DRC7: variants seen among roughly 807,000 people sequenced by gnomAD.
DRC7 encodes dynein regulatory complex subunit 7.
A neutral mutation model predicts 104.4 loss-of-function variants in DRC7; 80 were observed. The ratio of observed to expected loss-of-function variants is 0.77; its 90% CI spans 0.64 to 0.92. The LOEUF is 0.92. Among genes scored for constraint, DRC7 ranks in the 40% least tolerant of loss-of-function variants. The pLI is 0.00. For synonymous variants in DRC7, 405 were observed against 447.3 expected, an observed-to-expected ratio of 0.91 and a Z score of 1.19; for missense variants, 1,034 against 1,141.1, an observed-to-expected ratio of 0.91 and a Z score of 1.35.
chr16:57,715,545 A>G (rs4254319), intron 8 of DRC7, among the ~76,000 whole-genome samples: 9,195 of 152,290 alleles, frequency 0.06, 574 homozygotes, highest in East Asian at 0.23. Flanking sequence ...GATGCCTCTC[A>G]TCACTCTGCC....
At chr16:57,711,619 A>T (rs1243491108) in intron 8 of DRC7, among the ~76,000 whole-genome samples, 1 of 152,218 alleles carries the variant, frequency 6.6e-6, no homozygotes, top group African/African-American at 2.4e-5. Context: ...GACAGAGCTG[A>T]TTCAAGACTG....
At chr16:57,718,094 C>T (rs140938434) in intron 8 of DRC7, among the ~76,000 whole-genome samples, 15 of 152,338 alleles carry the variant, frequency 9.8e-5, no homozygotes, top group African/African-American at 2.4e-4. Flanking sequence ...GAGGTCAACA[C>T]GAGATTTCCT....
At chr16:57,722,673 C>G (rs772683998) in intron 10 of DRC7, 40 bp from the exon 11 acceptor site, 2 of 1,609,850 alleles carry the variant, frequency 1.2e-6, no homozygotes, top group Non-Finnish European at 1.7e-6. Context: ...TCCCTTCCCC[C>G]AAACTAGCAA....
chr16:57,703,200 CAAAAAAAA>C (rs71152293), intron 6 of DRC7, among the ~76,000 whole-genome samples: 5 of 62,926 alleles, frequency 7.9e-5, no homozygotes, highest in African/African-American at 2.2e-4. Flanking sequence ...TTTTTAATAG[CAAAAAAAA>C]AAAAAAAAAA....
chr16:57,719,059 C>G (rs1303269935), intron 9 of DRC7, among the ~76,000 whole-genome samples: 1 of 151,832 alleles, frequency 6.6e-6, no homozygotes, highest in Non-Finnish European at 1.5e-5. Context: ...CTGCAACCCC[C>G]TGGGAGTCCC....
At chr16:57,695,853 A>G (rs755118554) in intron 1 of DRC7, among the ~76,000 whole-genome samples, 1 of 152,218 alleles carries the variant, frequency 6.6e-6, no homozygotes, top group Admixed American at 6.5e-5. Context: ...GGTTTCCCCA[A>G]CCAGGCTCAG....
Position 57,700,249 on chromosome 16 carries a change from C to T in DRC7, c.483C>T (p.Pro161=). ...QFVSDFLTMV[P]LPDPLKPPSH... ...TCTCCGACTTCCTCACCATGGTGCC[C>T]CTGCCTGACCCTCTCAAGCCGGTAA... Residue 161 remains proline, a synonymous_variant, in exon 5 of 19, where the codon CCC becomes CCT. Coordinates refer to ENST00000360716, the MANE Select transcript of DRC7 (RefSeq NM_001289162.2). The T allele has an allele frequency of 6.2e-7, 1 of 1,613,738 alleles. No individual in the cohort carries two copies. The highest frequency in any genetic ancestry group is 1.7e-5 in the Admixed American group (1 of 59,990).
chr16:57,712,105 T>C (rs184344318), intron 8 of DRC7, among the ~76,000 whole-genome samples: 7 of 152,334 alleles, frequency 4.6e-5, no homozygotes, highest in African/African-American at 1.4e-4. Flanking sequence ...TAAACTATAA[T>C]AAACTAAGTT....
chr16:57,717,500 A>G (rs2048856883), intron 8 of DRC7, among the ~76,000 whole-genome samples: 1 of 151,730 alleles, frequency 6.6e-6, no homozygotes. Context: ...GGAGTTCGAA[A>G]CCAGCCTGGC....
At chr16:57,724,949 A>G in intron 13 of DRC7, 114 bp downstream of exon 13, 1 of 725,658 alleles carries the variant, frequency 1.4e-6, no homozygotes, top group South Asian at 1.7e-5. Context: ...AGACATATCC[A>G]AGGGCACCAA....
intron 6 of DRC7, among the ~76,000 whole-genome samples, chr16:57,702,399 G>A (rs1434606738): frequency 1.3e-5 from 2 of 152,124 alleles, no homozygotes; most frequent in Middle Eastern, 3.2e-3. Flanking sequence ...CAGCTACTAT[G>A]CTCCCTGCTT....
intron 5 of DRC7, among the ~76,000 whole-genome samples, chr16:57,700,795 A>G (rs1238476740): frequency 6.6e-6 from 1 of 152,052 alleles, no homozygotes; most frequent in Non-Finnish European, 1.5e-5. Context: ...TTTATCCCCT[A>G]GTGCGCAGGT....
Position 57,704,942 on chromosome 16 carries a change from A to T in DRC7, c.766A>T (p.Ser256Cys). Residue 256 changes from serine (S) to cysteine (C), a missense_variant, in exon 7 of 19, where the codon AGC (serine) becomes TGC (cysteine). Transcript: ENST00000360716. ...YTIKPPRDLC[S>C]RFEQEQEVKK... ...CATCAAACCCCCCAGGGACCTGTGC[A>T]GCAGGTTTGAGCAGGAGCAAGAGGT... The T allele has an allele frequency of 6.2e-7, 1 of 1,613,860 alleles. No homozygotes were observed. The highest frequency in any genetic ancestry group is 8.5e-7 in the Non-Finnish European group (1 of 1,179,938).
chr16:57,728,819 T>A (rs953943421), intron 17 of DRC7, among the ~76,000 whole-genome samples: 2 of 10,872 alleles, frequency 1.8e-4, no homozygotes, highest in African/African-American at 6.3e-4. Context: ...GGTGGGTGGG[T>A]GGGTGGATGG....
intron 17 of DRC7, among the ~76,000 whole-genome samples, chr16:57,729,718 A>G (rs1597816320): frequency 1.6e-5 from 1 of 62,800 alleles, no homozygotes; most frequent in Non-Finnish European, 2.8e-5. Context: ...TGATGGATGG[A>G]TGGGTGAGTG....
Position 57,707,502 on chromosome 16 carries a change from G to A in DRC7, c.901G>A (p.Val301Met). 6.2e-7 allele frequency: 1 copy of A among 1,613,366 alleles called. No individual in the cohort carries two copies. The highest frequency in any genetic ancestry group is 8.5e-7 in the Non-Finnish European group (1 of 1,179,990). Residue 301 changes from valine (V) to methionine (M), a missense_variant, in exon 8 of 19, where the codon GTG (valine) becomes ATG (methionine). Coordinates refer to ENST00000360716, the MANE Select transcript of DRC7 (RefSeq NM_001289162.2). Reference protein sequence around the residue: ...AKPDALHGLRVHSWVLVLSGK... With the variant: ...AKPDALHGLRMHSWVLVLSGK... ...GCCGGATGCCCTGCACGGCCTGCGG[G>A]TGCACTCCTGGGTCCTTGTGCTATC...
chr16:57,717,233 GTTT>G (rs869088347), intron 8 of DRC7, among the ~76,000 whole-genome samples: 3 of 126,898 alleles, frequency 2.4e-5, no homozygotes, highest in Non-Finnish European at 3.3e-5. Flanking sequence ...CCCACCTGCT[GTTT>G]TTTTTTTTTT....
intron 9 of DRC7, 28 bp from the exon 10 acceptor site, chr16:57,721,638 AC>A (rs1470421124): frequency 6.3e-7 from 1 of 1,576,408 alleles, no homozygotes; most frequent in African/African-American, 1.4e-5. Flanking sequence ...GACCAGCACC[AC>A]CTCCCCCACC....
rs59120133 is a variant in DRC7, at chr16:57,700,656, C to CAAAAA, written c.504+402_504+406dup. On this transcript the variant is annotated intron_variant, in intron 5 of 18. Transcript: ENST00000360716. Reference sequence around the variant, plus strand: ...GAGCAAAACTCTCAAAAAACTCTCTCAAAAAAAAAAAAAAAAAAAAGAATG... The same window carrying CAAAAA: ...GAGCAAAACTCTCAAAAAACTCTCTCAAAAAAAAAAAAAAAAAAAAAAAAAGAATG... 1.6e-3 allele frequency among the ~76,000 whole-genome samples: 141 copies of CAAAAA among 88,558 alleles called. 1 individual carries two copies. Among genetic ancestry groups the CAAAAA allele is most frequent in the African/African-American group, 5.0e-3 (118 of 23,512 alleles). 58.1% of individuals were successfully genotyped at this position (88,558 alleles called of 152,430 possible).
Sources: gnomAD v4.1 joint callset for allele counts (sites outside exome capture counted in the v4.1 genomes callset) on GRCh38, gnomAD v4.1.1 for gene constraint, MANE v1.5 for transcripts, NCBI Gene and HGNC (gene_info 2026-07-23, HGNC 2026-07-21) for gene names.